The following LOC128462377 variants were observed in gnomAD, a reference collection of about 807,000 sequenced individuals.
the LOC128462377 span, among the ~76,000 whole-genome samples, chr16:89,372,319 C>T: frequency 6.6e-6 from 1 of 152,318 alleles, no homozygotes; most frequent in Admixed American, 6.5e-5. Context: ...CAGCGCCCAG[C>T]GACGGATGCG....
chr16:89,352,560 G>C, the LOC128462377 span, among the ~76,000 whole-genome samples: 1 of 152,160 alleles, frequency 6.6e-6, no homozygotes, highest in Non-Finnish European at 1.5e-5. Context: ...TGAGGCCCCT[G>C]TCAGGGCCAC....
chr16:89,381,354 A>AAAAAGGG, the LOC128462377 span, among the ~76,000 whole-genome samples: 1 of 125,338 alleles, frequency 8.0e-6, no homozygotes, highest in African/African-American at 3.3e-5. Flanking sequence ...AAAAAAAAAA[A>AAAAAGGG]GGGGTGAGAA....
the LOC128462377 span, among the ~76,000 whole-genome samples, chr16:89,325,461 TCTCTCTCTCA>T: frequency 3.6e-5 from 5 of 138,928 alleles, no homozygotes; most frequent in South Asian, 2.3e-4. Context: ...TCTCTCTCTC[TCTCTCTCTCA>T]CACACACACA....
chr16:89,399,151 G>T, the LOC128462377 span, among the ~76,000 whole-genome samples: 1 of 152,198 alleles, frequency 6.6e-6, no homozygotes, highest in African/African-American at 2.4e-5. Context: ...TGATGACACA[G>T]CACGAGTCCA....
At chr16:89,371,657 G>A in the LOC128462377 span, among the ~76,000 whole-genome samples, 1 of 152,136 alleles carries the variant, frequency 6.6e-6, no homozygotes, top group African/African-American at 2.4e-5. Context: ...TGTGGAGGGC[G>A]ATGCAGACTC....
chr16:89,346,707 C>G, the LOC128462377 span, among the ~76,000 whole-genome samples: 2 of 152,264 alleles, frequency 1.3e-5, no homozygotes, highest in East Asian at 1.9e-4. Flanking sequence ...AGATGCTATA[C>G]AGCAAGGTGG....
At chr16:89,403,092 G>A in the LOC128462377 span, among the ~76,000 whole-genome samples, 1 of 152,184 alleles carries the variant, frequency 6.6e-6, no homozygotes, top group African/African-American at 2.4e-5. Flanking sequence ...TGTCATCACT[G>A]CACGTGGACA....
chr16:89,336,864 G>T, the LOC128462377 span, among the ~76,000 whole-genome samples: 2 of 152,030 alleles, frequency 1.3e-5, no homozygotes, highest in East Asian at 1.9e-4. Context: ...GGTGGCTCAC[G>T]CCTGTAATCC....
At chr16:89,331,821 C>T in the LOC128462377 span, among the ~76,000 whole-genome samples, 4 of 152,108 alleles carry the variant, frequency 2.6e-5, no homozygotes, top group Admixed American at 2.0e-4. Context: ...GTCTAAGATA[C>T]GGTGATGGTT....
At chr16:89,334,144 TAAAAAAAA>T in the LOC128462377 span, among the ~76,000 whole-genome samples, 3 of 41,410 alleles carry the variant, frequency 7.2e-5, no homozygotes, top group African/African-American at 2.9e-4. Flanking sequence ...CCCTGTGTTT[TAAAAAAAA>T]AAAAAAAAAA....
chr16:89,330,324 C>T, the LOC128462377 span, among the ~76,000 whole-genome samples: 4 of 152,006 alleles, frequency 2.6e-5, no homozygotes, highest in African/African-American at 7.2e-5. Flanking sequence ...TGGGAAGGCT[C>T]GGGAGACCTG....
At chr16:89,371,363 T>C in the LOC128462377 span, among the ~76,000 whole-genome samples, 2 of 152,158 alleles carry the variant, frequency 1.3e-5, no homozygotes, top group Non-Finnish European at 2.9e-5. Flanking sequence ...CATTCTACCA[T>C]TTGGTGTCGT....
At chr16:89,390,311 T>A in the LOC128462377 span, among the ~76,000 whole-genome samples, 3 of 148,928 alleles carry the variant, frequency 2.0e-5, no homozygotes, top group Non-Finnish European at 3.0e-5. Context: ...ACACCGAGTG[T>A]GGCGTGGAGC....
chr16:89,352,271 G>A, the LOC128462377 span, among the ~76,000 whole-genome samples: 1 of 152,024 alleles, frequency 6.6e-6, no homozygotes, highest in South Asian at 2.1e-4. Flanking sequence ...CCTAAGGACT[G>A]GATCTCACAG....
the LOC128462377 span, among the ~76,000 whole-genome samples, chr16:89,365,679 G>A: frequency 6.6e-6 from 1 of 152,172 alleles, no homozygotes; most frequent in African/African-American, 2.4e-5. Context: ...CCTGGGCAGT[G>A]TCTGTGGAAG....
At chr16:89,385,826 G>T in the LOC128462377 span, among the ~76,000 whole-genome samples, 1 of 152,264 alleles carries the variant, frequency 6.6e-6, no homozygotes, top group African/African-American at 2.4e-5. Context: ...CGCAGCCAGA[G>T]GCCGGGGATT....
chr16:89,338,669 G>A, the LOC128462377 span, among the ~76,000 whole-genome samples: 1 of 135,322 alleles, frequency 7.4e-6, no homozygotes. Context: ...AGGTTGCAGT[G>A]AGCCAAGATC....
At chr16:89,411,463 G>C in the LOC128462377 span, among the ~76,000 whole-genome samples, 3 of 152,304 alleles carry the variant, frequency 2.0e-5, no homozygotes, top group African/African-American at 7.2e-5. Flanking sequence ...CCTAGAGCTG[G>C]AGTGCAGTGG....
At chr16:89,331,827 T>G in the LOC128462377 span, among the ~76,000 whole-genome samples, 1 of 152,198 alleles carries the variant, frequency 6.6e-6, no homozygotes, top group African/African-American at 2.4e-5. Context: ...GATACGGTGA[T>G]GGTTTTGAAT....
Sources: gnomAD v4.1 joint callset for allele counts (sites outside exome capture counted in the v4.1 genomes callset) on GRCh38, gnomAD v4.1.1 for gene constraint, MANE v1.5 for transcripts.